The following HDAC9 variants were observed in gnomAD, a reference collection of about 807,000 sequenced individuals.
HDAC9 encodes MEF-2 interacting transcription repressor (MITR) protein.
A neutral mutation model predicts 139.4 loss-of-function variants in HDAC9; 41 were observed. That is an observed-to-expected ratio of 0.29 (90% CI 0.23 to 0.38). The LOEUF is 0.38. Among genes scored for constraint, HDAC9 ranks in the 10% least tolerant of loss-of-function variants. The pLI is 1.00. For missense variants in HDAC9, 1,147 were observed against 1,297.0 expected (o/e 0.88, Z 1.78); for synonymous variants, 517 against 476.2 (o/e 1.09, Z -1.12).
chr7:18,310,825 C>CAT, intron 1 of HDAC9, among the ~76,000 whole-genome samples: 1 of 151,326 alleles, frequency 6.6e-6, no homozygotes, highest in African/African-American at 2.4e-5. Context: ...CACACACACA[C>CAT]ACACACACAC....
chr7:18,494,477 C>T (rs564964716), upstream of HDAC9, among the ~76,000 whole-genome samples: 7 of 151,950 alleles, frequency 4.6e-5, no homozygotes, highest in East Asian at 1.9e-4. Context: ...ACATTTTCCT[C>T]GCTGATTTAG....
At chr7:18,516,262 G>A (rs1803145101) in intron 2 of HDAC9, among the ~76,000 whole-genome samples, 1 of 152,134 alleles carries the variant, frequency 6.6e-6, no homozygotes, top group South Asian at 2.1e-4. Context: ...TTTCTAAAAT[G>A]AAATTTAAAA....
At chr7:18,693,129 G>T (rs1181716716) in intron 12 of HDAC9, among the ~76,000 whole-genome samples, 1 of 151,694 alleles carries the variant, frequency 6.6e-6, no homozygotes, top group African/African-American at 2.4e-5. Context: ...TAGTAGCTGA[G>T]AATAAAAACT....
At chr7:18,570,602 G>T (rs989064339) in intron 2 of HDAC9, among the ~76,000 whole-genome samples, 1 of 152,152 alleles carries the variant, frequency 6.6e-6, no homozygotes, top group African/African-American at 2.4e-5. Context: ...ATGGACTCTG[G>T]AGCTGGACGG....
In HDAC9 at chr7:18,137,842, C is replaced by T. The variant is rs143325545; in HGVS notation, c.-96-24387C>T. On this transcript the variant is annotated intron_variant, in intron 1 of 12. Transcript: ENST00000417496. ...CATAAAATGAGTTAGGAAGGATTCC[C>T]TCTTTTTCTATTGATCGGAATAGTT... is the stretch of plus-strand genomic sequence containing the variant. Among the ~76,000 whole-genome samples, 906 of 152,268 alleles carry T rather than the reference C, an allele frequency of 6.0e-3. 11 individuals are homozygous for T. Among genetic ancestry groups the T allele is most frequent in the African/African-American group, 0.021 (856 of 41,540 alleles).
intron 2 of HDAC9, among the ~76,000 whole-genome samples, chr7:18,551,159 A>C (rs1816996324): frequency 6.6e-6 from 1 of 152,194 alleles, no homozygotes; most frequent in African/African-American, 2.4e-5. Flanking sequence ...GAGCATCTGG[A>C]AGGTTAGTGT....
intron 2 of HDAC9, among the ~76,000 whole-genome samples, chr7:18,552,787 C>G (rs1026811722): frequency 6.6e-6 from 1 of 152,110 alleles, no homozygotes; most frequent in Non-Finnish European, 1.5e-5. Flanking sequence ...AGCAATTGTT[C>G]AGAGAGAAAT....
At chr7:18,637,292 A>G (rs1267519167) in intron 8 of HDAC9, among the ~76,000 whole-genome samples, 1 of 152,108 alleles carries the variant, frequency 6.6e-6, no homozygotes, top group Non-Finnish European at 1.5e-5. Flanking sequence ...GTAAATACAT[A>G]TGTATGTGCA....
At chr7:18,346,282 A>C (rs1655124237) in intron 1 of HDAC9, among the ~76,000 whole-genome samples, 1 of 152,148 alleles carries the variant, frequency 6.6e-6, no homozygotes, top group African/African-American at 2.4e-5. Context: ...GTTGCAGATA[A>C]ATTGAACTAG....
At chr7:18,137,710 T>C in intron 1 of HDAC9, among the ~76,000 whole-genome samples, 1 of 151,924 alleles carries the variant, frequency 6.6e-6, no homozygotes, top group African/African-American at 2.4e-5. Flanking sequence ...GTTTTGCCAG[T>C]ATTTTATTGA....
chr7:18,372,783 A>G (rs1170969868), intron 1 of HDAC9, among the ~76,000 whole-genome samples: 1 of 152,194 alleles, frequency 6.6e-6, no homozygotes, highest in Non-Finnish European at 1.5e-5. Context: ...GATGGCATTT[A>G]TGGTGATGTC....
At chr7:18,137,308 C>T (rs1785499236) in intron 1 of HDAC9, among the ~76,000 whole-genome samples, 1 of 146,772 alleles carries the variant, frequency 6.8e-6, no homozygotes, top group African/African-American at 2.6e-5. Context: ...CCTTCTCCTG[C>T]CTAATTGCCC....
Position 18,463,977 on chromosome 7 carries a change from G to T in HDAC9, c.-41-32285G>T, listed in dbSNP as rs116624152. Among the ~76,000 whole-genome samples, 1,257 of 151,948 alleles carry T rather than the reference G, an allele frequency of 8.3e-3. 13 individuals carry two copies. Among genetic ancestry groups the T allele is most frequent in the African/African-American group, 0.029 (1,201 of 41,534 alleles). ...ACTCCTCTGGTCAATTATCCTCAAG[G>T]ATTTGTATGTACTTGAAGTCATGTG... is the stretch of plus-strand genomic sequence containing the variant. On this transcript the variant is annotated intron_variant, in intron 1 of 3. Coordinates refer to the HDAC9 transcript ENST00000413509.
chr7:18,820,026 T>G (rs1208308956), intron 17 of HDAC9, among the ~76,000 whole-genome samples: 1 of 152,174 alleles, frequency 6.6e-6, no homozygotes, highest in Non-Finnish European at 1.5e-5. Context: ...TACAACAATC[T>G]AAGATGCTCA....
chr7:18,874,253 T>G (rs1799152474), intron 21 of HDAC9, among the ~76,000 whole-genome samples: 1 of 151,768 alleles, frequency 6.6e-6, no homozygotes, highest in African/African-American at 2.4e-5. Context: ...TTTTTTCCAT[T>G]TGGAGGAAAA....
At chr7:18,940,606 G>A (rs1781960352) in intron 23 of HDAC9, among the ~76,000 whole-genome samples, 1 of 152,068 alleles carries the variant, frequency 6.6e-6, no homozygotes, top group Non-Finnish European at 1.5e-5. Context: ...AAGGCATTAG[G>A]GATACTTGTG....
chr7:18,352,466 CATTA>C (rs1192690544), intron 1 of HDAC9, among the ~76,000 whole-genome samples: 2 of 152,086 alleles, frequency 1.3e-5, no homozygotes, highest in African/African-American at 4.8e-5. Flanking sequence ...GTCCTCCTAT[CATTA>C]ATTGATTAAA....
At chr7:18,412,385 G>A (rs1788651902) in intron 1 of HDAC9, among the ~76,000 whole-genome samples, 1 of 152,128 alleles carries the variant, frequency 6.6e-6, no homozygotes, top group African/African-American at 2.4e-5. Flanking sequence ...GTATCAATCA[G>A]AGGAGAAAAC....
chr7:18,330,586 A>G (rs1229974977), intron 1 of HDAC9, among the ~76,000 whole-genome samples: 1 of 151,196 alleles, frequency 6.6e-6, no homozygotes, highest in African/African-American at 2.4e-5. Context: ...TTATATTTCT[A>G]TACCTCAGGA....
Sources: gnomAD v4.1 joint callset for allele counts (sites outside exome capture counted in the v4.1 genomes callset) on GRCh38, gnomAD v4.1.1 for gene constraint, MANE v1.5 for transcripts, NCBI Gene and HGNC (gene_info 2026-07-23, HGNC 2026-07-21) for gene names.